Variants in WWOX observed in about 807,000 individuals in gnomAD.
WWOX encodes WW domain containing oxidoreductase.
In WWOX, 69 loss-of-function variants were observed where a neutral mutation model predicts 46.2. The ratio of observed to expected loss-of-function variants is 1.49; its 90% confidence interval spans 1.23 to 1.82. WWOX has a LOEUF of 1.82. Ranked by LOEUF, WWOX falls within the 40% of genes most tolerant of loss-of-function variation. WWOX has a pLI of 0.00. For missense variants in WWOX, 919 were observed against 542.6 expected, an observed-to-expected ratio of 1.69 and a Z score of -6.89; for synonymous variants, 359 against 202.6, an observed-to-expected ratio of 1.77 and a Z score of -6.56.
At chr16:78,945,836 G>A (rs75626037) in intron 8 of WWOX, among the ~76,000 whole-genome samples, 2,119 of 152,190 alleles carry the variant, frequency 0.014, 31 homozygotes, top group Middle Eastern at 0.041. Flanking sequence ...TGAGCATGGA[G>A]GGAACTTCAT....
At chr16:78,334,929 A>ATT (rs2080851891) in intron 5 of WWOX, among the ~76,000 whole-genome samples, 2 of 147,392 alleles carry the variant, frequency 1.4e-5, no homozygotes, top group African/African-American at 5.1e-5. Context: ...TTTTTTAAAA[A>ATT]AAAAAAAAAG....
intron 8 of WWOX, among the ~76,000 whole-genome samples, chr16:78,817,299 T>A (rs569321626): frequency 6.6e-6 from 1 of 150,672 alleles, no homozygotes; most frequent in South Asian, 2.1e-4. Flanking sequence ...TGTGTAGACT[T>A]GATAGAATTC....
At chr16:78,256,056 A>G (rs1289154770) in intron 5 of WWOX, among the ~76,000 whole-genome samples, 2 of 147,636 alleles carry the variant, frequency 1.4e-5, no homozygotes, top group Admixed American at 6.9e-5. Context: ...AGGCTGAGGC[A>G]GGAGAATCAC....
At chr16:78,534,991 C>T (rs79583039) in intron 8 of WWOX, 3,350 of 152,344 alleles carry the variant, frequency 0.022, 57 homozygotes, top group Middle Eastern at 0.048. Flanking sequence ...GGATGACAGG[C>T]ATGAGCCACC....
chr16:78,959,263 A>G (rs1567438936), intron 8 of WWOX, among the ~76,000 whole-genome samples: 1 of 152,214 alleles, frequency 6.6e-6, no homozygotes, highest in African/African-American at 2.4e-5. Flanking sequence ...AAATAAGGGC[A>G]TTGAACTTAA....
At chr16:78,426,744 A>T (rs2083088072) in intron 7 of WWOX, among the ~76,000 whole-genome samples, 1 of 152,014 alleles carries the variant, frequency 6.6e-6, no homozygotes, top group Non-Finnish European at 1.5e-5. Flanking sequence ...GCTCACCACA[A>T]CTTCAGACTC....
chr16:78,401,711 T>G (rs1320964508), intron 6 of WWOX, among the ~76,000 whole-genome samples: 3 of 152,118 alleles, frequency 2.0e-5, no homozygotes, highest in Non-Finnish European at 4.4e-5. Flanking sequence ...CCTTTTTTCT[T>G]TTTTTTGAGA....
chr16:78,595,422 C>T (rs920144933), intron 8 of WWOX, among the ~76,000 whole-genome samples: 8 of 152,072 alleles, frequency 5.3e-5, no homozygotes, highest in African/African-American at 1.4e-4. Context: ...GCCTGTGGAA[C>T]GTAATATTCG....
intron 8 of WWOX, among the ~76,000 whole-genome samples, chr16:78,991,295 T>C (rs1445149046): frequency 9.9e-5 from 15 of 152,084 alleles, no homozygotes; most frequent in African/African-American, 3.6e-4. Context: ...TTGGAGTCCA[T>C]GTTAAATCCA....
chr16:78,615,794 A>G (rs1401315006), intron 8 of WWOX, among the ~76,000 whole-genome samples: 3 of 151,236 alleles, frequency 2.0e-5, no homozygotes, highest in Non-Finnish European at 2.9e-5. Context: ...TCTGTTGCCC[A>G]GGCTGGAGTG....
chr16:78,176,951 C>G (rs1049557998), intron 5 of WWOX, among the ~76,000 whole-genome samples: 4 of 152,192 alleles, frequency 2.6e-5, no homozygotes, highest in African/African-American at 9.7e-5. Flanking sequence ...CTACTCAAAG[C>G]ATGGTCCCTG....
intron 8 of WWOX, among the ~76,000 whole-genome samples, chr16:78,797,223 A>T (rs949262576): frequency 6.6e-6 from 1 of 152,044 alleles, no homozygotes; most frequent in Admixed American, 6.6e-5. Flanking sequence ...GTGGCTTCTG[A>T]ATGAAGAGAA....
intron 8 of WWOX, among the ~76,000 whole-genome samples, chr16:78,902,341 A>G (rs1261205701): frequency 6.6e-6 from 1 of 152,230 alleles, no homozygotes; most frequent in Non-Finnish European, 1.5e-5. Flanking sequence ...TCTGAGGCAT[A>G]TTATTCCCAG....
chr16:78,569,639 A>C (rs551716076), intron 8 of WWOX, among the ~76,000 whole-genome samples: 1 of 152,358 alleles, frequency 6.6e-6, no homozygotes, highest in South Asian at 2.1e-4. Flanking sequence ...GATTAATCAC[A>C]GTTATAGAGT....
intron 8 of WWOX, among the ~76,000 whole-genome samples, chr16:78,499,210 G>T (rs1000801875): frequency 6.6e-6 from 1 of 152,068 alleles, no homozygotes; most frequent in African/African-American, 2.4e-5. Flanking sequence ...CCCTAGCTCA[G>T]TGAGATGGCT....
chr16:79,030,350 A>G (rs936414222), intron 8 of WWOX, among the ~76,000 whole-genome samples: 4 of 152,186 alleles, frequency 2.6e-5, no homozygotes, highest in Non-Finnish European at 2.9e-5. Flanking sequence ...TGACAAATTT[A>G]GTTGCTGCAT....
intron 8 of WWOX, among the ~76,000 whole-genome samples, chr16:79,142,605 G>C (rs1026179957): frequency 6.6e-6 from 1 of 152,158 alleles, no homozygotes; most frequent in African/African-American, 2.4e-5. Flanking sequence ...AAAAATCACA[G>C]AGTCCATTTA....
chr16:78,924,625 G>C (rs1175093309), intron 8 of WWOX, among the ~76,000 whole-genome samples: 1 of 152,202 alleles, frequency 6.6e-6, no homozygotes, highest in Non-Finnish European at 1.5e-5. Context: ...CCTTTTGACT[G>C]TTTAGAAAGT....
intron 8 of WWOX, among the ~76,000 whole-genome samples, chr16:78,838,428 A>G (rs985591394): frequency 6.6e-6 from 1 of 152,248 alleles, no homozygotes; most frequent in Non-Finnish European, 1.5e-5. Flanking sequence ...ACGTATACAC[A>G]ATAAGAATAT....
Sources: allele counts gnomAD v4.1 joint callset (sites outside exome capture counted in the v4.1 genomes callset), GRCh38; gene constraint gnomAD v4.1.1; transcripts MANE v1.5; gene names NCBI Gene and HGNC (gene_info 2026-07-23, HGNC 2026-07-21).